Variants in RTKN2 observed in about 807,000 individuals in gnomAD.
The protein encoded by RTKN2 is rhotekin-2.
Under a neutral mutation model 71.5 loss-of-function variants are expected in RTKN2, and 69 were observed. That is an observed-to-expected ratio of 0.96 (90% CI 0.79 to 1.18). The LOEUF (loss-of-function observed/expected upper bound fraction) is 1.18, where lower values mean the gene tolerates loss of function less well. Ranked by LOEUF, RTKN2 falls within the 50% of genes most tolerant of loss-of-function variation. The pLI is 0.00. For missense variants in RTKN2, 724 were observed against 719.7 expected (o/e 1.01, Z -0.07); for synonymous variants, 236 against 236.5 (o/e 1.00, Z 0.02).
intron 6 of RTKN2, among the ~76,000 whole-genome samples, chr10:62,227,267 T>C (rs1011855573): frequency 3.9e-5 from 6 of 152,058 alleles, no homozygotes; most frequent in Admixed American, 2.0e-4. Flanking sequence ...ATCAAGCCCA[T>C]GAAGCTAAGT....
chr10:62,214,207 T>C (rs1045323547), intron 9 of RTKN2, among the ~76,000 whole-genome samples: 2 of 151,964 alleles, frequency 1.3e-5, no homozygotes, highest in African/African-American at 2.4e-5. Flanking sequence ...ATAATAAATA[T>C]ATCTTTCCAA....
chr10:62,247,872 T>A (rs1254197510), intron 2 of RTKN2, among the ~76,000 whole-genome samples: 1 of 152,070 alleles, frequency 6.6e-6, no homozygotes, highest in African/African-American at 2.4e-5. Context: ...AAAATACTTA[T>A]TTCAGTGAAA....
chr10:62,264,537 T>A (rs1267975595), intron 1 of RTKN2, among the ~76,000 whole-genome samples: 1 of 152,208 alleles, frequency 6.6e-6, no homozygotes, highest in Non-Finnish European at 1.5e-5. Context: ...GACCCATATG[T>A]CTATAGAAAT....
intron 5 of RTKN2, 54 bp from the exon 6 acceptor site, chr10:62,236,317 T>TGG: frequency 8.8e-7 from 1 of 1,140,432 alleles, no homozygotes; most frequent in Non-Finnish European, 1.3e-6. Flanking sequence ...GAAAATAAAA[T>TGG]TATACCATTC....
At position 62,236,219 on chromosome 10, in the gene RTKN2, C is replaced by G. The variant is rs374174272; in HGVS notation, c.533G>C (p.Ser178Thr). ...PDFQIKVEVY[S>T]CCTEESSITN... ...TATAGAAGATTCTTCTGTACAGCAA[C>G]TATACACTTCCACCTTTATCTGAAA... Residue 178 changes from serine (S) to threonine (T), a missense_variant, in exon 6 of 12, where the codon AGT (serine) becomes ACT (threonine). By Grantham distance (58) the Ser-to-Thr change is moderately conservative. Coordinates refer to ENST00000373789, the MANE Select transcript of RTKN2 (RefSeq NM_145307.4). 8.7e-6 allele frequency: 14 copies of G among 1,611,776 alleles called. No individual in the cohort carries two copies. Among genetic ancestry groups the G allele is most frequent in the Non-Finnish European group, 1.1e-5 (13 of 1,178,590 alleles).
At chr10:62,208,869 G>C (rs1006058026) in intron 9 of RTKN2, among the ~76,000 whole-genome samples, 1 of 152,298 alleles carries the variant, frequency 6.6e-6, no homozygotes, top group East Asian at 1.9e-4. Flanking sequence ...GTTAAGATGA[G>C]TGGAAGACCT....
chr10:62,235,965 T>C, intron 6 of RTKN2, 101 bp downstream of exon 6: 2 of 862,154 alleles, frequency 2.3e-6, no homozygotes, highest in Non-Finnish European at 3.5e-6. Flanking sequence ...TGTTTCCTGA[T>C]GTTTTTCCAT....
rs1231647848 is a variant in RTKN2 at position 62,195,613 on chromosome 10, AGG to A, written c.*2293_*2294del. 8.3e-5 allele frequency: 5 copies of A among 59,988 alleles called. No homozygotes were observed. The highest frequency in any genetic ancestry group is 4.7e-4 in the African/African-American group (5 of 10,734). The allele number at this position is 59,988 out of a possible 1,614,324, so 3.7% of individuals were successfully genotyped here. The stretch of plus-strand genomic sequence containing the variant: ...AGAGACGGACAGAGGGAATGAAGGA[AGG>A]AAGGAAGGAAGGAAGGAAGGAAGGA... On this transcript the variant is annotated 3_prime_UTR_variant, in exon 12 of 12. Transcript: ENST00000373789.
downstream of RTKN2, among the ~76,000 whole-genome samples, chr10:62,191,304 G>A (rs547909810): frequency 6.6e-6 from 1 of 152,116 alleles, no homozygotes; most frequent in Non-Finnish European, 1.5e-5. Flanking sequence ...ACATGGCTAT[G>A]TTTTAATTAT....
At chr10:62,237,420 G>T (rs564595368) in intron 5 of RTKN2, among the ~76,000 whole-genome samples, 3 of 151,914 alleles carry the variant, frequency 2.0e-5, no homozygotes, top group Non-Finnish European at 2.9e-5. Context: ...GCCTGAGAGA[G>T]TTACCGCAAC....
rs144310079 is a variant in RTKN2, at chr10:62,262,675, T to C, written c.207A>G (p.Thr69=). 2,258 of 1,613,066 alleles carry C rather than the reference T, an allele frequency of 1.4e-3. 3 individuals are homozygous for C. The highest frequency in any genetic ancestry group is 6.5e-3 in the East Asian group (291 of 44,832). ...GTTCTTCTAATTTCTGTAGCTCCGA[T>C]GTATAGGCCATTAGTCGAGCATTGC... The part of the protein sequence containing the change: ...MVCNARLMAY[T]SELQKLEEQI... The change falls in exon 2 of 12, where the codon ACA becomes ACG. Residue 69 remains threonine, a synonymous_variant. Coordinates refer to ENST00000373789, the MANE Select transcript of RTKN2 (RefSeq NM_145307.4).
At chr10:62,219,025 A>G (rs1841844168) in intron 7 of RTKN2, among the ~76,000 whole-genome samples, 1 of 152,220 alleles carries the variant, frequency 6.6e-6, no homozygotes, top group Non-Finnish European at 1.5e-5. Flanking sequence ...ATTATTTCAG[A>G]GAACTTAAGA....
intron 9 of RTKN2, among the ~76,000 whole-genome samples, chr10:62,213,036 C>A (rs187875744): frequency 1.3e-5 from 2 of 152,228 alleles, no homozygotes; most frequent in Admixed American, 1.3e-4. Flanking sequence ...TGCCTTTTCA[C>A]AAGAGACTGT....
chr10:62,191,319 AT>A (rs1008998016), downstream of RTKN2, among the ~76,000 whole-genome samples: 5 of 152,074 alleles, frequency 3.3e-5, no homozygotes, highest in African/African-American at 9.6e-5. Context: ...AATTATTATT[AT>A]TTTTTGTAGA....
At position 62,194,838 on chromosome 10, in the gene RTKN2, A is replaced by T. The variant is rs1841289986; in HGVS notation, c.*3070T>A. ...TAGCAGGTAAAATGCATTTAGTAAG[A>T]TCCCAAAGGGTAAAGATAAGGCATT... On this transcript the variant is annotated 3_prime_UTR_variant, in exon 12 of 12. Transcript: ENST00000373789. 1 of 985,122 alleles carries T rather than the reference A, an allele frequency of 1.0e-6. No individual in the cohort carries two copies. Among genetic ancestry groups the T allele is most frequent in the African/African-American group, 1.7e-5 (1 of 57,238 alleles). The allele number at this position is 985,122 out of a possible 1,614,324, so 61.0% of individuals were successfully genotyped here.
chr10:62,244,477 C>CA (rs1273772485), intron 3 of RTKN2, among the ~76,000 whole-genome samples: 2 of 152,216 alleles, frequency 1.3e-5, no homozygotes, highest in South Asian at 4.1e-4. Flanking sequence ...TTGCTACAAT[C>CA]AATAAACTGT....
chr10:62,262,340 T>C (rs922335264), intron 2 of RTKN2, among the ~76,000 whole-genome samples: 1 of 152,224 alleles, frequency 6.6e-6, no homozygotes, highest in African/African-American at 2.4e-5. Flanking sequence ...TCTACATTTC[T>C]ATCAATATTG....
chr10:62,235,940 A>T (rs999180906), intron 6 of RTKN2, 126 bp downstream of exon 6: 1 of 698,454 alleles, frequency 1.4e-6, no homozygotes, highest in Non-Finnish European at 2.4e-6. Flanking sequence ...ATGTCAAACA[A>T]CTAAGTTTTG....
At chr10:62,236,327 CT>C in intron 5 of RTKN2, 64 bp from the exon 6 acceptor site, 2 of 1,055,934 alleles carry the variant, frequency 1.9e-6, no homozygotes, top group Non-Finnish European at 2.8e-6. Context: ...TTATACCATT[CT>C]TTTATGTTTA....
Sources: gnomAD v4.1 joint callset for allele counts (sites outside exome capture counted in the v4.1 genomes callset) on GRCh38, gnomAD v4.1.1 for gene constraint, MANE v1.5 for transcripts, NCBI Gene and HGNC (gene_info 2026-07-23, HGNC 2026-07-21) for gene names.